HNRNPUL1: variants seen among roughly 807,000 people sequenced by gnomAD.
HNRNPUL1 encodes heterogeneous nuclear ribonucleoprotein U like 1.
Under a neutral mutation model 108.5 loss-of-function variants are expected in HNRNPUL1, and 14 were observed. The ratio of observed to expected loss-of-function variants is 0.13; its 90% CI spans 0.09 to 0.20. The LOEUF (loss-of-function observed/expected upper bound fraction) is 0.20. Among genes scored for constraint, HNRNPUL1 ranks in the 10% least tolerant of loss-of-function variants. The pLI is 1.00. For synonymous variants in HNRNPUL1, 422 were observed against 445.2 expected, an observed-to-expected ratio of 0.95 and a Z score of 0.66; for missense variants, 804 against 1,168.3, an observed-to-expected ratio of 0.69 and a Z score of 4.55.
At chr19:41,290,069 GAC>G (rs1208297125) in intron 7 of HNRNPUL1, among the ~76,000 whole-genome samples, 31 of 152,152 alleles carry the variant, frequency 2.0e-4, no homozygotes, top group Non-Finnish European at 2.9e-5. Context: ...GAGGGCCTCT[GAC>G]ACAGAGCTGT....
At chr19:41,303,697 T>A (rs2037377113) in intron 12 of HNRNPUL1, among the ~76,000 whole-genome samples, 1 of 152,138 alleles carries the variant, frequency 6.6e-6, no homozygotes, top group African/African-American at 2.4e-5. Context: ...ATTCAACAGC[T>A]ATTGAGATGC....
chr19:41,292,263 G>T lies in HNRNPUL1; in HGVS notation c.1018G>T (p.Asp340Tyr). The change falls in exon 8 of 15, where the codon GAC becomes TAC. Residue 340 changes from aspartate to tyrosine, a missense_variant. This residue lies in a region of HNRNPUL1 where 174 missense variants were observed against 296.6 expected (regional missense o/e 0.59). Transcript: ENST00000392006. This position sits in a 1 kb window ranked among gnomAD's most constrained non-coding sequence, Gnocchi z 4.1. ...GCFADFECGN[D>Y]VELSFTKNGK... ...CTCCTAGGATTTTGAATGTGGAAAT[G>T]ACGTGGAACTGTCTTTTACCAAGAA... 1.2e-6 allele frequency: 2 copies of T among 1,614,142 alleles called. No individual in the cohort carries two copies. Among genetic ancestry groups the T allele is most frequent in the Non-Finnish European group, 1.7e-6 (2 of 1,179,974 alleles).
At chr19:41,276,390 A>G (rs1424160071) in intron 5 of HNRNPUL1, 92 bp downstream of exon 5, 9 of 1,395,162 alleles carry the variant, frequency 6.5e-6, no homozygotes, top group African/African-American at 1.4e-5. Flanking sequence ...TGCAACTGCA[A>G]AAGAGATTGG....
intron 3 of HNRNPUL1, among the ~76,000 whole-genome samples, chr19:41,272,994 A>C (rs943238042): frequency 6.6e-6 from 1 of 152,164 alleles, no homozygotes; most frequent in African/African-American, 2.4e-5. Flanking sequence ...GGCGGAGTCC[A>C]CCTTCTAACT....
chr19:41,295,101 C>G (rs966014636), intron 10 of HNRNPUL1, among the ~76,000 whole-genome samples: 5 of 152,206 alleles, frequency 3.3e-5, no homozygotes, highest in Non-Finnish European at 7.3e-5. Context: ...ACCCCTAACG[C>G]AGGACCTGGC....
intron 1 of HNRNPUL1, chr19:41,265,366 T>C (rs1162815309): frequency 1.3e-6 from 2 of 1,517,706 alleles, no homozygotes; most frequent in Admixed American, 2.0e-5. Flanking sequence ...GTGGGAGAGG[T>C]GGAGGCGCTG....
intron 1 of HNRNPUL1, among the ~76,000 whole-genome samples, chr19:41,267,616 G>A (rs1055598227): frequency 9.9e-5 from 15 of 152,180 alleles, no homozygotes; most frequent in African/African-American, 3.1e-4. Context: ...GAAGGAATCC[G>A]ATCAGTTAGC....
intron 1 of HNRNPUL1, among the ~76,000 whole-genome samples, chr19:41,265,922 T>C (rs964663383): frequency 6.7e-5 from 10 of 150,264 alleles, no homozygotes; most frequent in African/African-American, 2.2e-4. Flanking sequence ...CAGAGTGGAG[T>C]GTGGGGAATG....
chr19:41,269,736 A>G (rs1376053341), intron 2 of HNRNPUL1, among the ~76,000 whole-genome samples: 1 of 152,146 alleles, frequency 6.6e-6, no homozygotes, highest in Non-Finnish European at 1.5e-5. Context: ...CCAGGAGTTC[A>G]AGGCTGCAGT....
At position 41,294,909 on chromosome 19, in the gene HNRNPUL1, C is replaced by A. The variant is rs2036797796; in HGVS notation, c.1518+223C>A. ...CTACTTACTCAGACTCATCAGCAGC[C>A]CCAAAGAACATCAGGTAAGAACTGT... is the stretch of plus-strand genomic sequence containing the variant. On this transcript the variant is annotated intron_variant, in intron 10 of 14. Transcript: ENST00000392006. The surrounding 1 kb of genome is among the most constrained non-coding windows in gnomAD (Gnocchi z 4.3). Among the ~76,000 whole-genome samples the A allele has an allele frequency of 6.6e-6, 1 of 152,164 alleles. No individual in the cohort carries two copies. The highest frequency in any genetic ancestry group is 1.5e-5 in the Non-Finnish European group (1 of 68,046).
chr19:41,264,326 A>C, upstream of HNRNPUL1: 1 of 480,732 alleles, frequency 2.1e-6, no homozygotes. Context: ...GCACTCATGT[A>C]ACATCGGACG....
chr19:41,305,753 A>G lies in HNRNPUL1; in HGVS notation c.2340A>G (p.Pro780=). ...GYTAPPPPPP[P]PPAYNYGSYG... ...CAGCCCCACCGCCTCCACCTCCACC[A>G]CCACCTGCCTACAACTATGGGAGCT... Residue 780 remains proline (P), a synonymous_variant, in exon 14 of 15, where the codon CCA becomes CCG. Coordinates refer to ENST00000392006, the MANE Select transcript of HNRNPUL1 (RefSeq NM_007040.6). 1 of 1,613,802 alleles carries G rather than the reference A, an allele frequency of 6.2e-7. No individual in the cohort carries two copies.
upstream of HNRNPUL1, among the ~76,000 whole-genome samples, chr19:41,264,138 C>T (rs999170497): frequency 6.6e-6 from 1 of 152,380 alleles, no homozygotes; most frequent in East Asian, 1.9e-4. Flanking sequence ...GTTACCCAAT[C>T]AGCAAGCGCT....
chr19:41,276,015 A>G, intron 4 of HNRNPUL1, 144 bp from the exon 5 acceptor site: 1 of 932,592 alleles, frequency 1.1e-6, no homozygotes, highest in Non-Finnish European at 1.7e-6. Flanking sequence ...AGGCAAGAGA[A>G]TCACTTGAAC....
At position 41,269,816 on chromosome 19, in the gene HNRNPUL1, C is replaced by T. The variant is rs78237323; in HGVS notation, c.418+1471C>T. Reference sequence around the variant, plus strand: ...CCTTGCCTTAAAAATAAAAACAGGCCGAGTGCGATGGCTGTTACATGCCTG... The same window carrying T: ...CCTTGCCTTAAAAATAAAAACAGGCTGAGTGCGATGGCTGTTACATGCCTG... On this transcript the variant is annotated intron_variant, in intron 2 of 14. Transcript: ENST00000392006. 8.6e-4 allele frequency among the ~76,000 whole-genome samples: 130 copies of T among 152,018 alleles called. 3 individuals are homozygous for T. In the East Asian group the frequency reaches 0.024, roughly 27 times the overall value.
chr19:41,305,617 C>T (rs1303091151), intron 13 of HNRNPUL1, 59 bp from the exon 14 acceptor site: 1 of 1,605,786 alleles, frequency 6.2e-7, no homozygotes, highest in Admixed American at 1.7e-5. Context: ...CCCAGCATTT[C>T]ACATCTGCAG....
intron 4 of HNRNPUL1, 80 bp from the exon 5 acceptor site, chr19:41,276,079 G>C (rs2035537361): frequency 1.3e-6 from 2 of 1,588,566 alleles, no homozygotes; most frequent in Non-Finnish European, 1.7e-6. Flanking sequence ...CTCCAGCCTG[G>C]GCAAAAAGAG....
At chr19:41,266,835 C>T (rs1407650758) in intron 1 of HNRNPUL1, among the ~76,000 whole-genome samples, 1 of 152,076 alleles carries the variant, frequency 6.6e-6, no homozygotes. Context: ...AGGCAGTGGC[C>T]TAGAGATTAT....
intron 7 of HNRNPUL1, among the ~76,000 whole-genome samples, chr19:41,289,672 A>T (rs1162568136): frequency 6.6e-6 from 1 of 150,578 alleles, no homozygotes; most frequent in Non-Finnish European, 1.5e-5. Flanking sequence ...GGCCATAAGG[A>T]AGGCTAACTA....
Sources: allele counts gnomAD v4.1 joint callset (sites outside exome capture counted in the v4.1 genomes callset), GRCh38; gene constraint gnomAD v4.1.1; regional missense constraint gnomAD v4.1.1; non-coding constraint Gnocchi (gnomAD v3.1); transcripts MANE v1.5; gene names NCBI Gene and HGNC (gene_info 2026-07-23, HGNC 2026-07-21).